PAM: variants seen among roughly 807,000 people sequenced by gnomAD.
PAM encodes the protein peptidyl-glycine alpha-amidating monooxygenase.
PAM carries 72 observed loss-of-function variants against 122.1 expected under a neutral mutation model. The observed-to-expected ratio is 0.59, with a 90% CI of 0.49 to 0.72. The LOEUF is 0.72. Ranked by LOEUF, PAM falls within the 30% of genes least tolerant of loss-of-function variation. PAM has a pLI of 0.00. For synonymous variants in PAM, 389 were observed against 404.4 expected (o/e 0.96, Z 0.46); for missense variants, 1,106 against 1,183.7 (o/e 0.93, Z 0.96).
chr5:102,860,117 G>A (rs1783760863), intron 1 of PAM, among the ~76,000 whole-genome samples: 2 of 152,120 alleles, frequency 1.3e-5, no homozygotes. Flanking sequence ...TTCCTGACCG[G>A]TTCAGTCCTA....
chr5:102,875,622 A>AT (rs1038893191), intron 3 of PAM, among the ~76,000 whole-genome samples: 3 of 152,124 alleles, frequency 2.0e-5, no homozygotes, highest in Non-Finnish European at 2.9e-5. Flanking sequence ...GCAATGAAGA[A>AT]TTTTTTTTGT....
intron 15 of PAM, among the ~76,000 whole-genome samples, chr5:102,981,528 A>G (rs1268139512): frequency 6.6e-6 from 1 of 151,540 alleles, no homozygotes; most frequent in African/African-American, 2.5e-5. Context: ...ACCATAAACA[A>G]GTAGAGACTA....
intron 15 of PAM, among the ~76,000 whole-genome samples, chr5:102,988,712 AAAG>A (rs1163680773): frequency 2.7e-5 from 4 of 147,042 alleles, no homozygotes; most frequent in African/African-American, 7.7e-5. Flanking sequence ...AAAGAGAAAG[AAAG>A]AAAAGAAAAA....
chr5:102,953,952 G>T (rs1304865375), intron 12 of PAM, among the ~76,000 whole-genome samples: 2 of 152,102 alleles, frequency 1.3e-5, no homozygotes, highest in Non-Finnish European at 2.9e-5. Context: ...GGAAGAGATT[G>T]CAGTGAGCCA....
At chr5:102,822,367 A>T (rs182020902) in intron 1 of PAM, among the ~76,000 whole-genome samples, 272 of 152,272 alleles carry the variant, frequency 1.8e-3, no homozygotes, top group Non-Finnish European at 3.5e-3. Flanking sequence ...CACCCTGGAC[A>T]GAATGCCATC....
At chr5:102,891,034 G>A (rs751064650) in intron 3 of PAM, among the ~76,000 whole-genome samples, 2 of 151,778 alleles carry the variant, frequency 1.3e-5, no homozygotes, top group Non-Finnish European at 2.9e-5. Context: ...TAGTTTGATA[G>A]ACTTAAAAAG....
intron 3 of PAM, among the ~76,000 whole-genome samples, chr5:102,896,227 A>T (rs930593777): frequency 6.6e-6 from 1 of 151,662 alleles, no homozygotes; most frequent in African/African-American, 2.4e-5. Context: ...TGTAATTCCC[A>T]TAGAAGAGCG....
chr5:102,839,985 C>T (rs1249043697), intron 1 of PAM, among the ~76,000 whole-genome samples: 1 of 152,076 alleles, frequency 6.6e-6, no homozygotes, highest in African/African-American at 2.4e-5. Context: ...TGCTTACTCC[C>T]ACTGCTTCTA....
intron 3 of PAM, among the ~76,000 whole-genome samples, chr5:102,888,318 C>A (rs147249688): frequency 2.6e-5 from 4 of 152,040 alleles, no homozygotes; most frequent in African/African-American, 4.8e-5. Context: ...CCATTGTATC[C>A]TCCTTGCACA....
chr5:102,826,067 TAACA>T (rs1773512973), intron 1 of PAM, among the ~76,000 whole-genome samples: 1 of 152,214 alleles, frequency 6.6e-6, no homozygotes, highest in Non-Finnish European at 1.5e-5. Flanking sequence ...AACTGATTGT[TAACA>T]AAGTATGAGC....
chr5:102,861,105 C>T (rs903222331), intron 1 of PAM, among the ~76,000 whole-genome samples: 4 of 152,188 alleles, frequency 2.6e-5, no homozygotes, highest in Non-Finnish European at 4.4e-5. Flanking sequence ...TTTTTGCCAA[C>T]AACCAGCACT....
chr5:102,954,274 T>A (rs1056203994), intron 12 of PAM, among the ~76,000 whole-genome samples: 1 of 151,834 alleles, frequency 6.6e-6, no homozygotes, highest in South Asian at 2.1e-4. Context: ...CTGTACCCAA[T>A]ATGTAGTTTT....
In PAM at chr5:103,006,946, G is replaced by A. The variant is rs1357158902; in HGVS notation, c.1949G>A (p.Gly650Asp). Reference sequence around the variant, plus strand: ...ACTGGAGCCATTTATGTATCAGATGGTTACTGCAACAGCAGGATTGTGCAG... The same window carrying A: ...ACTGGAGCCATTTATGTATCAGATGATTACTGCAACAGCAGGATTGTGCAG... Reference protein sequence around the residue: ...PGTGAIYVSDGYCNSRIVQFS... With the variant: ...PGTGAIYVSDDYCNSRIVQFS... Residue 650 changes from glycine to aspartate, a missense_variant, in exon 19 of 26, where the codon GGT (glycine) becomes GAT (aspartate). Physicochemically the swap from Gly to Asp is moderately conservative, Grantham distance 94. Coordinates refer to ENST00000438793, the MANE Select transcript of PAM (RefSeq NM_001177306.2). 6.2e-7 allele frequency: 1 copy of A among 1,614,030 alleles called. No homozygotes were observed. The highest frequency in any genetic ancestry group is 2.2e-5 in the East Asian group (1 of 44,872).
chr5:102,950,526 T>C (rs1017862817), intron 11 of PAM, among the ~76,000 whole-genome samples, 191 bp from the exon 12 acceptor site: 4 of 151,950 alleles, frequency 2.6e-5, no homozygotes, highest in Admixed American at 2.6e-4. Context: ...GATATATCAA[T>C]AGAATTAAGG....
chr5:102,833,392 C>CT (rs796312922), intron 1 of PAM, among the ~76,000 whole-genome samples: 20 of 152,148 alleles, frequency 1.3e-4, no homozygotes, highest in African/African-American at 1.7e-4. Flanking sequence ...CTTCAAGGGG[C>CT]TTTTTTGTAG....
In PAM at chr5:102,901,422, T is replaced by A; in HGVS notation, c.268+9T>A. 6.6e-7 allele frequency: 1 copy of A among 1,504,458 alleles called. No homozygotes were observed. Among genetic ancestry groups the A allele is most frequent in the Non-Finnish European group, 9.2e-7 (1 of 1,081,804 alleles). The allele number at this position is 1,504,458 out of a possible 1,614,324, so 93.2% of individuals were successfully genotyped here. A position where few individuals can be genotyped will look rare whatever the true frequency, so the allele number is the denominator to read the frequency against. ...TGAGGAAGCCTTCGTGAGTAAGTAT[T>A]AATTGGATTGGGGGAGTAGCAGTTT... On this transcript the variant is annotated intron_variant, in intron 4 of 25. Coordinates refer to ENST00000438793, the MANE Select transcript of PAM (RefSeq NM_001177306.2).
At position 102,864,181 on chromosome 5, in the gene PAM, TATA is replaced by T. The variant is rs1283713398; in HGVS notation, c.-373-1641_-373-1639del. Reference sequence around the variant, plus strand: ...CCTTCTTCATATATATATATATATATATATTTTTTTTTTTTTTAAAGAACTTCA... The same window carrying T: ...CCTTCTTCATATATATATATATATATTTTTTTTTTTTTTTAAAGAACTTCA... On this transcript the variant is annotated intron_variant, in intron 1 of 25. Transcript: ENST00000438793. Among the ~76,000 whole-genome samples, 516 of 138,660 alleles carry T rather than the reference TATA, an allele frequency of 3.7e-3. 3 individuals carry two copies. Among genetic ancestry groups the T allele is most frequent in the African/African-American group, 0.014 (468 of 34,362 alleles). The allele number at this position is 138,660 out of a possible 152,430, so 91.0% of individuals were successfully genotyped here.
chr5:102,806,133 G>A (rs777592844), intron 1 of PAM, among the ~76,000 whole-genome samples: 1 of 152,188 alleles, frequency 6.6e-6, no homozygotes, highest in Non-Finnish European at 1.5e-5. Context: ...CGAAACAAGT[G>A]CTCCCTTTTT....
chr5:102,824,610 G>C (rs1399922084), intron 1 of PAM, among the ~76,000 whole-genome samples: 1 of 152,226 alleles, frequency 6.6e-6, no homozygotes, highest in Non-Finnish European at 1.5e-5. Context: ...TACTTTTCCT[G>C]TTACTCACAT....
Sources: gnomAD v4.1 joint callset for allele counts (sites outside exome capture counted in the v4.1 genomes callset) on GRCh38, gnomAD v4.1.1 for gene constraint, MANE v1.5 for transcripts, NCBI Gene and HGNC (gene_info 2026-07-23, HGNC 2026-07-21) for gene names.